GRK5: variants seen among roughly 807,000 people sequenced by gnomAD.
GRK5 encodes G protein-coupled receptor kinase 5.
GRK5 carries 40 observed loss-of-function variants against 78.4 expected under a neutral mutation model. The observed-to-expected ratio is 0.51, with a 90% CI of 0.40 to 0.66. GRK5 has a LOEUF of 0.66. GRK5 is among the 30% of genes least tolerant of loss of function. The probability of loss-of-function intolerance (pLI) is 0.00; values close to 1 mark genes in which losing one functional copy is unlikely to be tolerated. For missense variants in GRK5, 598 were observed against 759.9 expected, an observed-to-expected ratio of 0.79 and a Z score of 2.50; for synonymous variants, 289 against 296.8, an observed-to-expected ratio of 0.97 and a Z score of 0.27.
rs539219810 is a variant in GRK5, at chr10:119,449,191, T to C, written c.1404+931T>C. Among the ~76,000 whole-genome samples the C allele has an allele frequency of 4.4e-3, 667 of 150,102 alleles. 3 individuals are homozygous for C. The highest frequency in any genetic ancestry group is 0.016 in the African/African-American group (636 of 40,832). ...TTGCGTCGGTAGCTTACAGTAGATCTGGTGGTAGCATCTGCACAGCAGCAA... is the reference window on the plus strand; with the variant it reads ...TTGCGTCGGTAGCTTACAGTAGATCCGGTGGTAGCATCTGCACAGCAGCAA... On this transcript the variant is annotated intron_variant, in intron 13 of 15. Coordinates refer to ENST00000392870, the MANE Select transcript of GRK5 (RefSeq NM_005308.3).
At chr10:119,328,900 A>T (rs1410489623) in intron 2 of GRK5, among the ~76,000 whole-genome samples, 4 of 152,218 alleles carry the variant, frequency 2.6e-5, no homozygotes, top group Non-Finnish European at 5.9e-5. Context: ...TTGACTCCTG[A>T]ATTTAAATGA....
intron 1 of GRK5, among the ~76,000 whole-genome samples, chr10:119,322,021 C>T (rs1475352280): frequency 2.0e-5 from 3 of 152,206 alleles, no homozygotes; most frequent in Non-Finnish European, 2.9e-5. Context: ...TTGCTCTGCA[C>T]CCAGGCTAGA....
At chr10:119,318,615 G>A (rs1261962730) in intron 1 of GRK5, among the ~76,000 whole-genome samples, 1 of 152,100 alleles carries the variant, frequency 6.6e-6, no homozygotes, top group African/African-American at 2.4e-5. Context: ...GGGGGCTGTA[G>A]GCCGCTCACT....
At chr10:119,328,148 G>A (rs1199566745) in intron 2 of GRK5, among the ~76,000 whole-genome samples, 2 of 152,242 alleles carry the variant, frequency 1.3e-5, no homozygotes, top group South Asian at 2.1e-4. Flanking sequence ...GCACACTGGC[G>A]TGCTTTCCGG....
chr10:119,256,817 ACTAT>A (rs1253106336), intron 1 of GRK5, among the ~76,000 whole-genome samples: 11 of 152,150 alleles, frequency 7.2e-5, no homozygotes, highest in Admixed American at 3.9e-4. Context: ...AACCATCACC[ACTAT>A]CTAATTCCAA....
intron 1 of GRK5, among the ~76,000 whole-genome samples, chr10:119,244,464 G>A (rs11596857): frequency 1.3e-3 from 204 of 152,344 alleles, no homozygotes; most frequent in Non-Finnish European, 2.6e-3. Flanking sequence ...GTATACAAAT[G>A]ACTATAAGTA....
intron 1 of GRK5, among the ~76,000 whole-genome samples, chr10:119,224,316 C>T (rs1452513287): frequency 6.6e-6 from 1 of 152,208 alleles, no homozygotes; most frequent in Non-Finnish European, 1.5e-5. Flanking sequence ...TTGTTGCTAA[C>T]ATCTGGCAAA....
At chr10:119,405,228 G>A (rs1441621606) in intron 4 of GRK5, among the ~76,000 whole-genome samples, 2 of 152,116 alleles carry the variant, frequency 1.3e-5, no homozygotes, top group Non-Finnish European at 2.9e-5. Flanking sequence ...AGGCTTCTGG[G>A]GAACTGGTAT....
intron 1 of GRK5, among the ~76,000 whole-genome samples, chr10:119,277,662 A>C (rs984091751): frequency 6.6e-6 from 1 of 152,234 alleles, no homozygotes; most frequent in African/African-American, 2.4e-5. Flanking sequence ...TACATACCAC[A>C]AACAAGTTAT....
At chr10:119,323,234 T>C (rs1430302871) in intron 1 of GRK5, among the ~76,000 whole-genome samples, 2 of 152,220 alleles carry the variant, frequency 1.3e-5, no homozygotes, top group Non-Finnish European at 2.9e-5. Context: ...TGGTGATGGT[T>C]CCACAGCAAT....
At chr10:119,350,408 A>G (rs933595820) in intron 2 of GRK5, among the ~76,000 whole-genome samples, 11 of 152,224 alleles carry the variant, frequency 7.2e-5, no homozygotes, top group African/African-American at 2.7e-4. Flanking sequence ...TTCTTAGCAG[A>G]CCAAGTGCAC....
chr10:119,288,106 C>T (rs991495609), intron 1 of GRK5, among the ~76,000 whole-genome samples: 1 of 152,218 alleles, frequency 6.6e-6, no homozygotes, highest in Admixed American at 6.5e-5. Flanking sequence ...TCAAACTGGG[C>T]ACATCCTCTG....
chr10:119,288,119 G>T (rs796667943), intron 1 of GRK5, among the ~76,000 whole-genome samples: 10 of 152,352 alleles, frequency 6.6e-5, no homozygotes, highest in African/African-American at 2.4e-4. Flanking sequence ...ATCCTCTGGG[G>T]CTGCACCTCA....
chr10:119,313,803 G>A (rs1850437525), intron 1 of GRK5, among the ~76,000 whole-genome samples: 1 of 152,170 alleles, frequency 6.6e-6, no homozygotes, highest in African/African-American at 2.4e-5. Context: ...CATCCCCATG[G>A]CGACCAGTTA....
intron 1 of GRK5, among the ~76,000 whole-genome samples, chr10:119,323,584 C>T (rs1158815537): frequency 1.3e-5 from 2 of 152,158 alleles, no homozygotes; most frequent in African/African-American, 4.8e-5. Flanking sequence ...TGTCTGGAGG[C>T]CACATGTGCT....
intron 1 of GRK5, among the ~76,000 whole-genome samples, chr10:119,310,448 G>T (rs1247651254): frequency 6.6e-6 from 1 of 152,186 alleles, no homozygotes; most frequent in Non-Finnish European, 1.5e-5. Context: ...GATTACTCTT[G>T]TAGTGAAAAG....
In GRK5 at chr10:119,452,543, A is replaced by T; in HGVS notation, c.1405-128A>T. The T allele has an allele frequency of 9.0e-7, 1 of 1,107,336 alleles. No individual in the cohort carries two copies. The highest frequency in any genetic ancestry group is 1.3e-6 in the Non-Finnish European group (1 of 773,306). The allele number at this position is 1,107,336 out of a possible 1,614,324, so 68.6% of individuals were successfully genotyped here. A position where few individuals can be genotyped will look rare whatever the true frequency, so the allele number is the denominator to read the frequency against. On this transcript the variant is annotated intron_variant, in intron 13 of 15. Transcript: ENST00000392870. This position sits in a 1 kb window ranked among gnomAD's most constrained non-coding sequence, Gnocchi z 4.4. ...CTGAGCCACACACCCTCCAGCCACT[A>T]CCCATAGCAGTTCTGGGGGTGTGTC...
At chr10:119,330,984 C>T (rs1166156205) in intron 2 of GRK5, among the ~76,000 whole-genome samples, 2 of 152,170 alleles carry the variant, frequency 1.3e-5, no homozygotes, top group Non-Finnish European at 2.9e-5. Context: ...AGGCCTCCTC[C>T]CCATAAGCTT....
rs970538537 is a variant in GRK5 at position 119,379,214 on chromosome 10, G to A, written c.149-1601G>A. On this transcript the variant is annotated intron_variant, in intron 2 of 15. Coordinates refer to ENST00000392870, the MANE Select transcript of GRK5 (RefSeq NM_005308.3). This position sits in a 1 kb window ranked among gnomAD's most constrained non-coding sequence, Gnocchi z 4.1. ...CTATGTATTGTCTTATTCATTCTTC[G>A]GGACGGTCCTAGGAGTTAGGTCTGC... Among the ~76,000 whole-genome samples the A allele has an allele frequency of 5.3e-5, 8 of 151,994 alleles. No homozygotes were observed. Among genetic ancestry groups the A allele is most frequent in the African/African-American group, 1.9e-4 (8 of 41,370 alleles).
Sources: allele counts gnomAD v4.1 joint callset (sites outside exome capture counted in the v4.1 genomes callset), GRCh38; gene constraint gnomAD v4.1.1; non-coding constraint Gnocchi (gnomAD v3.1); transcripts MANE v1.5; gene names NCBI Gene and HGNC (gene_info 2026-07-23, HGNC 2026-07-21).